Variants in PTPRT observed in about 807,000 individuals in gnomAD.
The protein encoded by PTPRT is receptor-type tyrosine-protein phosphatase T.
PTPRT carries 56 observed loss-of-function variants against 176.8 expected under a neutral mutation model. The observed-to-expected ratio is 0.32, with a 90% CI of 0.26 to 0.40. PTPRT has a LOEUF of 0.40. Among genes scored for constraint, PTPRT ranks in the 10% least tolerant of loss-of-function variants. The pLI, the probability that PTPRT is intolerant of heterozygous loss-of-function variation, is 1.00. For synonymous variants in PTPRT, 783 were observed against 739.0 expected (o/e 1.06, Z -0.96); for missense variants, 1,540 against 1,908.2 (o/e 0.81, Z 3.60).
intron 1 of PTPRT, among the ~76,000 whole-genome samples, chr20:43,024,827 C>T (rs1234429378): frequency 6.6e-6 from 1 of 152,182 alleles, no homozygotes; most frequent in Non-Finnish European, 1.5e-5. Flanking sequence ...TCATCACAAC[C>T]TCACAGCTGC....
intron 1 of PTPRT, among the ~76,000 whole-genome samples, chr20:43,127,307 C>T (rs6103157): frequency 0.47 from 70,742 of 151,268 alleles, 18,862 homozygotes; most frequent in Non-Finnish European, 0.61. Flanking sequence ...CCTGTAGTCC[C>T]AGCTACTCGG....
rs189152582 is a variant in PTPRT, at chr20:42,808,679, A to C, written c.215-17213T>G. ...AGGTTCCCTCTAAAAAACAGGAGCT[A>C]ATCTGGATGCGTCAAGTAGATAGTT... is the stretch of plus-strand genomic sequence containing the variant. On this transcript the variant is annotated intron_variant, in intron 2 of 30. Coordinates refer to ENST00000373187, the MANE Select transcript of PTPRT (RefSeq NM_007050.6). 2.8e-3 allele frequency among the ~76,000 whole-genome samples: 430 copies of C among 152,242 alleles called. 4 individuals carry two copies. Among genetic ancestry groups the C allele is most frequent in the African/African-American group, 0.01 (419 of 41,536 alleles).
intron 7 of PTPRT, among the ~76,000 whole-genome samples, chr20:42,639,224 A>AT (rs145062184): frequency 1.9e-4 from 29 of 151,492 alleles, no homozygotes; most frequent in Non-Finnish European, 3.2e-4. Flanking sequence ...TGGCATTTAC[A>AT]TTTTTTTTTA....
intron 15 of PTPRT, among the ~76,000 whole-genome samples, chr20:42,224,652 A>C (rs2055963775): frequency 6.6e-6 from 1 of 152,190 alleles, no homozygotes; most frequent in Non-Finnish European, 1.5e-5. Context: ...GATTAGAATA[A>C]CCTGGGGAAC....
intron 7 of PTPRT, among the ~76,000 whole-genome samples, chr20:42,639,640 C>T (rs2074692316): frequency 6.6e-6 from 1 of 152,124 alleles, no homozygotes; most frequent in Admixed American, 6.5e-5. Flanking sequence ...AGCCCACAGT[C>T]TTCTGGGCTT....
At chr20:42,371,155 C>T (rs1047182946) in intron 9 of PTPRT, among the ~76,000 whole-genome samples, 1 of 152,178 alleles carries the variant, frequency 6.6e-6, no homozygotes, top group Non-Finnish European at 1.5e-5. Context: ...TGGAGTGGTA[C>T]AGAACAGCAG....
At chr20:42,464,882 C>T (rs2071078924) in intron 8 of PTPRT, among the ~76,000 whole-genome samples, 1 of 152,126 alleles carries the variant, frequency 6.6e-6, no homozygotes, top group African/African-American at 2.4e-5. Context: ...TTACTGTGAC[C>T]TGAGAAACCT....
intron 7 of PTPRT, among the ~76,000 whole-genome samples, chr20:42,528,282 T>C (rs1276224536): frequency 6.6e-6 from 1 of 152,094 alleles, no homozygotes; most frequent in East Asian, 1.9e-4. Flanking sequence ...CGAACAGCCC[T>C]GCCATATACC....
At chr20:42,471,122 T>C (rs938861813) in intron 8 of PTPRT, among the ~76,000 whole-genome samples, 4 of 152,194 alleles carry the variant, frequency 2.6e-5, no homozygotes, top group African/African-American at 7.2e-5. Flanking sequence ...TCTGGGTGGA[T>C]CCAATGTGTA....
At chr20:42,286,116 T>C (rs558874850) in intron 12 of PTPRT, among the ~76,000 whole-genome samples, 10 of 152,106 alleles carry the variant, frequency 6.6e-5, no homozygotes, top group African/African-American at 2.2e-4. Flanking sequence ...CTCATGGTCA[T>C]GGATTGGAAG....
At chr20:42,579,126 T>A (rs1282156961) in intron 7 of PTPRT, among the ~76,000 whole-genome samples, 1 of 143,810 alleles carries the variant, frequency 7.0e-6, no homozygotes, top group East Asian at 2.1e-4. Context: ...TTCTCATTGA[T>A]CAATTCCCAC....
At chr20:42,774,101 TG>T (rs2077100315) in intron 4 of PTPRT, among the ~76,000 whole-genome samples, 1 of 152,154 alleles carries the variant, frequency 6.6e-6, no homozygotes, top group African/African-American at 2.4e-5. Flanking sequence ...GTGAATATTC[TG>T]GGGAAATACT....
chr20:42,090,566 G>T (rs907287625), intron 27 of PTPRT, among the ~76,000 whole-genome samples: 1 of 152,186 alleles, frequency 6.6e-6, no homozygotes, highest in African/African-American at 2.4e-5. Context: ...TACTGTGCAT[G>T]TATTTCTTGC....
intron 7 of PTPRT, among the ~76,000 whole-genome samples, chr20:42,531,928 T>C (rs1176088704): frequency 1.3e-5 from 2 of 152,204 alleles, no homozygotes; most frequent in African/African-American, 4.8e-5. Flanking sequence ...GCCGTGCTAT[T>C]GTCTGTCTGC....
intron 1 of PTPRT, among the ~76,000 whole-genome samples, chr20:42,988,008 C>G (rs1983698287): frequency 6.6e-6 from 1 of 152,126 alleles, no homozygotes; most frequent in Admixed American, 6.5e-5. Context: ...TGTAGTAGCT[C>G]TTATTACAAT....
chr20:42,687,679 G>C (rs1377916736), intron 6 of PTPRT: 2 of 152,114 alleles, frequency 1.3e-5, no homozygotes, highest in East Asian at 3.9e-4. Flanking sequence ...GGGCAGCATG[G>C]GTTCACAAAT....
intron 7 of PTPRT, among the ~76,000 whole-genome samples, chr20:42,627,543 G>T (rs568735613): frequency 1.3e-5 from 2 of 151,998 alleles, no homozygotes; most frequent in African/African-American, 4.8e-5. Flanking sequence ...AAGCACTGGG[G>T]TTACAGGCAT....
the PTPRT span, among the ~76,000 whole-genome samples, chr20:42,058,063 TTCCTCC>T: frequency 6.6e-6 from 1 of 152,170 alleles, no homozygotes; most frequent in Non-Finnish European, 1.5e-5. Context: ...CAGCCTCTCC[TTCCTCC>T]TGAATACCTG....
In PTPRT at chr20:42,687,263, T is replaced by A. The variant is rs57749579; in HGVS notation, c.860-9104A>T. ...TCAGGATCAAGACAGTCTACAGTCA[T>A]GTCAGTGTGTACTCCTGCCAAAACT... On this transcript the variant is annotated intron_variant, in intron 6 of 30. Coordinates refer to ENST00000373187, the MANE Select transcript of PTPRT (RefSeq NM_007050.6). The A allele has an allele frequency of 2.0e-3, 301 of 152,306 alleles. 1 individual carries two copies. Among genetic ancestry groups the A allele is most frequent in the African/African-American group, 6.8e-3 (284 of 41,566 alleles). 9.4% of individuals were successfully genotyped at this position (152,306 alleles called of 1,614,324 possible). A position where few individuals can be genotyped will look rare whatever the true frequency, so the allele number is the denominator to read the frequency against.
Sources: allele counts gnomAD v4.1 joint callset (sites outside exome capture counted in the v4.1 genomes callset), GRCh38; gene constraint gnomAD v4.1.1; transcripts MANE v1.5; gene names NCBI Gene and HGNC (gene_info 2026-07-23, HGNC 2026-07-21).